Variants in GPC5 observed in about 807,000 individuals in gnomAD.
The protein encoded by GPC5 is glypican-5.
In GPC5, 47 loss-of-function variants were observed where a neutral mutation model predicts 53.9. The ratio of observed to expected loss-of-function variants is 0.87; its 90% CI spans 0.69 to 1.11. GPC5 has a LOEUF of 1.11. Ranked by LOEUF, GPC5 falls within the 50% of genes most tolerant of loss-of-function variation. The pLI is 0.00. For missense variants in GPC5, 748 were observed against 713.1 expected (o/e 1.05, Z -0.56); for synonymous variants, 286 against 263.3 (o/e 1.09, Z -0.84).
chr13:91,596,936 G>A (rs1242725763), intron 2 of GPC5, among the ~76,000 whole-genome samples: 1 of 152,102 alleles, frequency 6.6e-6, no homozygotes, highest in Non-Finnish European at 1.5e-5. Flanking sequence ...AATCTCTGAA[G>A]TTCTCTCACC....
intron 7 of GPC5, among the ~76,000 whole-genome samples, chr13:92,850,384 G>C (rs1395018297): frequency 6.6e-6 from 1 of 152,136 alleles, no homozygotes. Flanking sequence ...CGAATGACTT[G>C]AGGTCAGGAG....
intron 7 of GPC5, among the ~76,000 whole-genome samples, chr13:92,229,467 A>C (rs2042514043): frequency 6.6e-6 from 1 of 152,086 alleles, no homozygotes. Context: ...AATATTCCTA[A>C]TAAAATCTTG....
At chr13:91,515,651 A>G (rs1030988229) in intron 2 of GPC5, among the ~76,000 whole-genome samples, 3 of 152,210 alleles carry the variant, frequency 2.0e-5, no homozygotes, top group African/African-American at 7.2e-5. Flanking sequence ...CATGATGACA[A>G]TTATGATGGC....
intron 7 of GPC5, among the ~76,000 whole-genome samples, chr13:92,801,579 G>A (rs1037325001): frequency 2.0e-5 from 3 of 151,628 alleles, no homozygotes; most frequent in African/African-American, 7.3e-5. Flanking sequence ...TCCTTCAGGA[G>A]TTATTCCAGA....
chr13:91,922,073 T>G (rs1342708140), intron 6 of GPC5, among the ~76,000 whole-genome samples: 2 of 152,068 alleles, frequency 1.3e-5, no homozygotes, highest in Non-Finnish European at 2.9e-5. Context: ...CAATAAGCAT[T>G]GCCAAGAGTT....
intron 7 of GPC5, among the ~76,000 whole-genome samples, chr13:92,682,719 T>A (rs1055638226): frequency 2.0e-5 from 3 of 152,212 alleles, no homozygotes; most frequent in Non-Finnish European, 4.4e-5. Context: ...GTCAGTAATT[T>A]ATCGGACACG....
chr13:92,642,514 C>T (rs1245485169), intron 7 of GPC5, among the ~76,000 whole-genome samples: 1 of 152,188 alleles, frequency 6.6e-6, no homozygotes, highest in Admixed American at 6.5e-5. Flanking sequence ...GAGCTCCCTG[C>T]TCCCTCAACC....
At chr13:92,592,605 T>G (rs1883750355) in intron 7 of GPC5, among the ~76,000 whole-genome samples, 2 of 151,260 alleles carry the variant, frequency 1.3e-5, no homozygotes, top group African/African-American at 4.9e-5. Context: ...AGATGATAAG[T>G]GGCATGAAGA....
chr13:92,751,627 T>G (rs1889402665), intron 7 of GPC5, among the ~76,000 whole-genome samples: 1 of 149,618 alleles, frequency 6.7e-6, no homozygotes, highest in Non-Finnish European at 1.5e-5. Flanking sequence ...GGGATAGCAG[T>G]AGAAGATATA....
At chr13:92,127,655 T>G (rs1422632079) in intron 6 of GPC5, among the ~76,000 whole-genome samples, 1 of 152,164 alleles carries the variant, frequency 6.6e-6, no homozygotes, top group Non-Finnish European at 1.5e-5. Context: ...TTCAGCTGTC[T>G]AAGGGCACAT....
At chr13:91,403,425 T>C (rs1169067665) in intron 1 of GPC5, among the ~76,000 whole-genome samples, 1 of 152,158 alleles carries the variant, frequency 6.6e-6, no homozygotes, top group Non-Finnish European at 1.5e-5. Context: ...AATTCAGGAA[T>C]TGGCTATTTT....
At chr13:92,215,687 CA>C (rs1449576237) in intron 7 of GPC5, among the ~76,000 whole-genome samples, 2 of 152,152 alleles carry the variant, frequency 1.3e-5, no homozygotes, top group Non-Finnish European at 2.9e-5. Context: ...TAGGGATGAC[CA>C]CAGCCCTTCA....
chr13:91,441,112 C>A (rs190735629), intron 1 of GPC5, among the ~76,000 whole-genome samples: 1 of 152,152 alleles, frequency 6.6e-6, no homozygotes, highest in Admixed American at 6.5e-5. Flanking sequence ...TTTTTTTCTT[C>A]CTTCAAATAT....
chr13:92,527,264 A>G (rs1250204114), intron 7 of GPC5, among the ~76,000 whole-genome samples: 1 of 130,410 alleles, frequency 7.7e-6, no homozygotes, highest in East Asian at 2.0e-4. Flanking sequence ...AGAAAGAAAG[A>G]AAGAAAGAAA....
At chr13:92,488,511 G>A (rs960886844) in intron 7 of GPC5, among the ~76,000 whole-genome samples, 1 of 152,180 alleles carries the variant, frequency 6.6e-6, no homozygotes, top group African/African-American at 2.4e-5. Context: ...TGATACATCA[G>A]CTGCTTAACT....
intron 2 of GPC5, among the ~76,000 whole-genome samples, chr13:91,690,025 C>T (rs749008593): frequency 6.6e-6 from 1 of 152,128 alleles, no homozygotes; most frequent in African/African-American, 2.4e-5. Context: ...CCAGCATCAC[C>T]ACAAACATGT....
intron 5 of GPC5, among the ~76,000 whole-genome samples, chr13:91,771,245 T>A (rs973993625): frequency 2.0e-5 from 3 of 152,158 alleles, no homozygotes; most frequent in Non-Finnish European, 4.4e-5. Context: ...AAAAATCAAA[T>A]AAATACAAAT....
At chr13:91,813,146 T>C (rs2038339851) in intron 5 of GPC5, among the ~76,000 whole-genome samples, 1 of 152,242 alleles carries the variant, frequency 6.6e-6, no homozygotes, top group Admixed American at 6.5e-5. Flanking sequence ...TTGATCCTTT[T>C]GCAGTTACTT....
At chr13:91,640,298 T>TGACCCAAGAAAAA in intron 2 of GPC5, among the ~76,000 whole-genome samples, 1 of 151,912 alleles carries the variant, frequency 6.6e-6, no homozygotes, top group Non-Finnish European at 1.5e-5. Flanking sequence ...ACAAGAAAAA[T>TGACCCAAGAAAAA]TACCCATTAA....
Sources: allele counts gnomAD v4.1 joint callset (sites outside exome capture counted in the v4.1 genomes callset), GRCh38; gene constraint gnomAD v4.1.1; transcripts MANE v1.5; gene names NCBI Gene and HGNC (gene_info 2026-07-23, HGNC 2026-07-21).